The following CFHR5 variants were observed in gnomAD, a reference collection of about 807,000 sequenced individuals.
The protein encoded by CFHR5 is complement factor H-related protein 5.
A neutral mutation model predicts 62.9 loss-of-function variants in CFHR5; 73 were observed. The observed-to-expected ratio is 1.16, with a 90% CI of 0.96 to 1.41. The LOEUF (loss-of-function observed/expected upper bound fraction) is 1.41, where lower values mean the gene tolerates loss of function less well. Among genes scored for constraint, CFHR5 ranks in the 40% most tolerant of loss-of-function variants. CFHR5 has a pLI of 0.00. For missense variants in CFHR5, 779 were observed against 679.9 expected, an observed-to-expected ratio of 1.15 and a Z score of -1.62; for synonymous variants, 249 against 227.2, an observed-to-expected ratio of 1.10 and a Z score of -0.86.
At chr1:196,991,700 G>A (rs960084615) in intron 3 of CFHR5, among the ~76,000 whole-genome samples, 5 of 152,184 alleles carry the variant, frequency 3.3e-5, no homozygotes, top group African/African-American at 1.2e-4. Context: ...AGCAGAGGCT[G>A]CAGAACAGCA....
chr1:196,998,789 G>T (rs1654059068), intron 7 of CFHR5, among the ~76,000 whole-genome samples: 1 of 151,828 alleles, frequency 6.6e-6, no homozygotes, highest in Admixed American at 6.6e-5. Context: ...CATTTACTTT[G>T]AGTAATAGGA....
At chr1:196,998,042 A>G (rs1654040325) in intron 6 of CFHR5, 86 bp from the exon 7 acceptor site, 2 of 861,314 alleles carry the variant, frequency 2.3e-6, no homozygotes, top group Non-Finnish European at 3.7e-6. Context: ...TGTTGCTTAA[A>G]AGCATCAAAC....
chr1:196,995,759 G>A lies in CFHR5; in HGVS notation c.650G>A (p.Gly217Asp). 1.2e-6 allele frequency: 2 copies of A among 1,613,360 alleles called. No individual in the cohort carries two copies. Among genetic ancestry groups the A allele is most frequent in the Admixed American group, 1.7e-5 (1 of 59,978 alleles). Reference protein sequence around the residue: ...SCGPPPQLSNGEVKEIRKEEY... With the variant: ...SCGPPPQLSNDEVKEIRKEEY... ...GGTCCACCTCCTCAACTCTCCAATG[G>A]TGAAGTTAAGGAGATAAGAAAAGAG... Residue 217 changes from glycine to aspartate, a missense_variant, in exon 5 of 10, where the codon GGT (glycine) becomes GAT (aspartate). Physicochemically the swap from Gly to Asp is moderately conservative, Grantham distance 94. Transcript: ENST00000256785.
Position 196,995,827 on chromosome 1 carries a change from A to G in CFHR5, c.718A>G (p.Asn240Asp), listed in dbSNP as rs768396961. 1.9e-6 allele frequency: 3 copies of G among 1,613,268 alleles called. No individual in the cohort carries two copies. Among genetic ancestry groups the G allele is most frequent in the Admixed American group, 3.3e-5 (2 of 59,966 alleles). The change falls in exon 5 of 10, where the codon AAT becomes GAT. Residue 240 changes from asparagine to aspartate, a missense_variant. By Grantham distance (23) the Asn-to-Asp change is conservative. Transcript: ENST00000256785. Reference protein sequence around the residue: ...NEVVEYDCNPNFIINGPKKIQ... With the variant: ...NEVVEYDCNPDFIINGPKKIQ... ...AGTAGTGGAATATGATTGCAATCCTAATTTTATAATAAACGGGCCTAAGAA... is the reference window on the plus strand; with the variant it reads ...AGTAGTGGAATATGATTGCAATCCTGATTTTATAATAAACGGGCCTAAGAA...
intron 1 of CFHR5, among the ~76,000 whole-genome samples, chr1:196,980,364 A>T (rs75288657): frequency 0.024 from 3,658 of 152,234 alleles, 164 homozygotes; most frequent in African/African-American, 0.084. Flanking sequence ...TGTACTATAC[A>T]TAATTGTGTG....
chr1:196,990,652 G>A (rs915897467), intron 3 of CFHR5, among the ~76,000 whole-genome samples: 1 of 152,098 alleles, frequency 6.6e-6, no homozygotes, highest in African/African-American at 2.4e-5. Flanking sequence ...CTGGATATGA[G>A]ATTCTGGGTT....
rs1192808438 is a variant in CFHR5 at position 197,008,757 on chromosome 1, C to G, written c.*74C>G. The G allele has an allele frequency of 1.7e-6, 2 of 1,163,942 alleles. No individual in the cohort carries two copies. The highest frequency in any genetic ancestry group is 3.0e-5 in the African/African-American group (2 of 65,742). 72.1% of individuals were successfully genotyped at this position (1,163,942 alleles called of 1,614,324 possible). On this transcript the variant is annotated 3_prime_UTR_variant, in exon 10 of 10. Transcript: ENST00000256785. ...AAAAGTAGCCATTATGTAGCCAATTCTGTAGTTACTTCTTTTATTCTTTCA... is the reference window on the plus strand; with the variant it reads ...AAAAGTAGCCATTATGTAGCCAATTGTGTAGTTACTTCTTTTATTCTTTCA...
intron 3 of CFHR5, among the ~76,000 whole-genome samples, chr1:196,992,415 T>A (rs1451281000): frequency 6.6e-6 from 1 of 152,080 alleles, no homozygotes; most frequent in Non-Finnish European, 1.5e-5. Context: ...GTCCCGATTT[T>A]CCAGGTACAG....
Position 196,994,249 on chromosome 1 carries a change from A to C in CFHR5, c.600A>C (p.Thr200=). Residue 200 remains threonine (T), a synonymous_variant, in exon 4 of 10, where the codon ACA becomes ACC. Coordinates refer to ENST00000256785, the MANE Select transcript of CFHR5 (RefSeq NM_030787.4). The part of the protein sequence containing the change: ...YQFGWSPNFP[T]CKGQVRSCGP... ...TTGGGTGGTCACCTAACTTTCCAAC[A>C]TGCAAAGGTCAGTATTTATTTTAGA... is the stretch of plus-strand genomic sequence containing the variant. The C allele has an allele frequency of 6.2e-7, 1 of 1,611,104 alleles. No homozygotes were observed. The highest frequency in any genetic ancestry group is 8.5e-7 in the Non-Finnish European group (1 of 1,177,418).
At chr1:197,006,008 A>G (rs1391005730) in intron 9 of CFHR5, among the ~76,000 whole-genome samples, 1 of 152,188 alleles carries the variant, frequency 6.6e-6, no homozygotes, top group African/African-American at 2.4e-5. Flanking sequence ...CTAGGTTTCA[A>G]AGATAACTTC....
intron 8 of CFHR5, among the ~76,000 whole-genome samples, chr1:197,004,417 A>T (rs1177259476): frequency 3.9e-5 from 6 of 152,104 alleles, no homozygotes. Context: ...AGGAACCTAG[A>T]CCAGAAGTTT....
chr1:196,983,579 TA>T (rs1653599480), intron 2 of CFHR5, among the ~76,000 whole-genome samples: 1 of 151,982 alleles, frequency 6.6e-6, no homozygotes, highest in African/African-American at 2.4e-5. Flanking sequence ...ACAGGTGCAT[TA>T]AAAAAGAAAA....
rs533267094 is a variant in CFHR5, at chr1:196,997,588, G to A, written c.971-540G>A. Among the ~76,000 whole-genome samples the A allele has an allele frequency of 3.9e-4, 59 of 152,192 alleles. No individual in the cohort carries two copies. In the South Asian group the frequency reaches 0.012, roughly 30 times the overall value. ...GGAATTTATGTTCTGAAGCTCAGTTGTGTTATTATCAGTGAGTTCTTCCCC... is the reference window on the plus strand; with the variant it reads ...GGAATTTATGTTCTGAAGCTCAGTTATGTTATTATCAGTGAGTTCTTCCCC... On this transcript the variant is annotated intron_variant, in intron 6 of 9. Transcript: ENST00000256785.
upstream of CFHR5, among the ~76,000 whole-genome samples, chr1:196,976,896 C>A (rs1388478111): frequency 1.3e-5 from 2 of 150,758 alleles, no homozygotes; most frequent in Non-Finnish European, 2.9e-5. Context: ...GCTCTGCCTC[C>A]CGGTTTTACG....
chr1:196,999,968 A>T (rs1201274923), intron 7 of CFHR5, among the ~76,000 whole-genome samples: 1 of 151,458 alleles, frequency 6.6e-6, no homozygotes, highest in Non-Finnish European at 1.5e-5. Context: ...AAGATATGAA[A>T]CTAATGTTTT....
intron 8 of CFHR5, 134 bp downstream of exon 8, chr1:197,002,798 C>A (rs1028176803): frequency 5.7e-6 from 4 of 704,148 alleles, no homozygotes; most frequent in South Asian, 3.6e-5. Flanking sequence ...GCTAAGTAAC[C>A]AATTCTGTCA....
At chr1:196,977,792 C>A in intron 1 of CFHR5, 70 bp downstream of exon 1, 1 of 1,101,058 alleles carries the variant, frequency 9.1e-7, no homozygotes, top group Non-Finnish European at 1.4e-6. Context: ...TGTGTGTATG[C>A]ATACAAATAT....
At chr1:196,976,949 C>A (rs1308072176), upstream of CFHR5, among the ~76,000 whole-genome samples, 6 of 151,494 alleles carry the variant, frequency 4.0e-5, no homozygotes, top group Non-Finnish European at 8.8e-5. Context: ...GGACTACAGG[C>A]GCCCGCCACC....
rs41308395 is a variant in CFHR5 at position 196,996,318 on chromosome 1, A to G, written c.970+117A>G. On this transcript the variant is annotated intron_variant, in intron 6 of 9. Transcript: ENST00000256785. ...TATTGATACTGACTCTTCCTTCCAC[A>G]AGTAAAATATGTCAATCCATTTATT... 7,335 of 796,072 alleles carry G rather than the reference A, an allele frequency of 9.2e-3. 50 individuals are homozygous for G. The highest frequency in any genetic ancestry group is 0.013 in the Non-Finnish European group (5,832 of 465,886). 49.3% of individuals were successfully genotyped at this position (796,072 alleles called of 1,614,324 possible). A position where few individuals can be genotyped will look rare whatever the true frequency, so the allele number is the denominator to read the frequency against.
Sources: allele counts gnomAD v4.1 joint callset (sites outside exome capture counted in the v4.1 genomes callset), GRCh38; gene constraint gnomAD v4.1.1; transcripts MANE v1.5; gene names NCBI Gene and HGNC (gene_info 2026-07-23, HGNC 2026-07-21).